The following SLC38A2 variants were observed in gnomAD, a reference collection of about 807,000 sequenced individuals.
SLC38A2 encodes sodium-coupled neutral amino acid symporter 2.
A neutral mutation model predicts 61.5 loss-of-function variants in SLC38A2; 11 were observed. That is an observed-to-expected ratio of 0.18 (90% CI 0.11 to 0.30). The LOEUF is 0.30. Ranked by LOEUF, SLC38A2 falls within the 10% of genes least tolerant of loss-of-function variation. SLC38A2 has a pLI of 1.00. For missense variants in SLC38A2, 522 were observed against 600.4 expected, an observed-to-expected ratio of 0.87 and a Z score of 1.36; for synonymous variants, 217 against 212.5, an observed-to-expected ratio of 1.02 and a Z score of -0.18.
chr12:46,367,478 C>T, intron 4 of SLC38A2, 138 bp from the exon 5 acceptor site: 2 of 640,090 alleles, frequency 3.1e-6, no homozygotes, highest in Non-Finnish European at 5.6e-6. Flanking sequence ...ACTGGCATTT[C>T]CTCTCCTACT....
In SLC38A2 at chr12:46,364,001, A is replaced by T; in HGVS notation, c.876T>A (p.Thr292=). 6.2e-7 allele frequency: 1 copy of T among 1,600,654 alleles called. No individual in the cohort carries two copies. Among genetic ancestry groups the T allele is most frequent in the South Asian group, 1.1e-5 (1 of 87,876 alleles). Residue 292 remains threonine (T), a splice_region_variant and synonymous_variant, in exon 11 of 16, where the codon ACT becomes ACA. Coordinates refer to ENST00000256689, the MANE Select transcript of SLC38A2 (RefSeq NM_018976.5). ...AGATCAGAATTGGCACAGCATAGAC[A>T]GTCTGAAAGAAAACGTAAAAATCTA... ...RPHYFIFNSQ[T]VYAVPILIFS...
chr12:46,371,584 G>C, intron 1 of SLC38A2: 1 of 381,152 alleles, frequency 2.6e-6, no homozygotes, highest in South Asian at 3.2e-5. Flanking sequence ...TGCCACCGCT[G>C]TGTTGCGGCC....
Position 46,370,783 on chromosome 12 carries a change from G to C in SLC38A2, c.191C>G (p.Thr64Arg). 6.2e-7 allele frequency: 1 copy of C among 1,611,904 alleles called. No homozygotes were observed. Among genetic ancestry groups the C allele is most frequent in the Non-Finnish European group, 8.5e-7 (1 of 1,178,516 alleles). ...TTACTATTTTTAACTTACAAATTCT[G>C]TTTCATACTTCTTCTTCCCCAAATT... is the stretch of plus-strand genomic sequence containing the variant. Reference protein sequence around the residue: ...ESNLGKKKYETEFHPGTTSFG... With the variant: ...ESNLGKKKYEREFHPGTTSFG... The change falls in exon 3 of 16, where the codon ACA becomes AGA. Residue 64 changes from threonine (T) to arginine (R), a missense_variant. Thr to Arg is a moderately conservative substitution (Grantham distance 71). This residue lies in a region of SLC38A2 where 102 missense variants were observed against 83.1 expected (regional missense o/e 1.23). Transcript: ENST00000256689.
rs781406539 is a variant in SLC38A2 at position 46,361,213 on chromosome 12, C to T, written c.1423-4G>A. The stretch of plus-strand genomic sequence containing the variant: ...CACTTAACAGGAAGAACAAAGCCTG[C>T]AAAGAGCATAGAGAAAATTGATCAG... On this transcript the variant is annotated splice_polypyrimidine_tract_variant and splice_region_variant and intron_variant, in intron 15 of 15. Coordinates refer to ENST00000256689, the MANE Select transcript of SLC38A2 (RefSeq NM_018976.5). 3.1e-6 allele frequency: 5 copies of T among 1,611,028 alleles called. No individual in the cohort carries two copies. Among genetic ancestry groups the T allele is most frequent in the Non-Finnish European group, 4.2e-6 (5 of 1,178,186 alleles).
intron 15 of SLC38A2, chr12:46,362,048 T>C (rs939150588): frequency 2.5e-6 from 1 of 407,092 alleles, no homozygotes; most frequent in African/African-American, 2.1e-5. Flanking sequence ...TCCCTATTCC[T>C]ATCTCCAAAG....
At chr12:46,368,178 T>C (rs929975132) in intron 4 of SLC38A2, among the ~76,000 whole-genome samples, 2 of 152,118 alleles carry the variant, frequency 1.3e-5, no homozygotes, top group Non-Finnish European at 2.9e-5. Context: ...ATACTAACAT[T>C]TTAAGAGGCA....
At chr12:46,363,402 T>G (rs1943104802) in intron 12 of SLC38A2, among the ~76,000 whole-genome samples, 1 of 152,110 alleles carries the variant, frequency 6.6e-6, no homozygotes, top group African/African-American at 2.4e-5. Flanking sequence ...ATCTCCTGGC[T>G]TGGCTTGCAA....
At chr12:46,371,566 AAAG>A (rs1943201643) in intron 1 of SLC38A2, 187 bp from the exon 2 acceptor site, 1 of 428,386 alleles carries the variant, frequency 2.3e-6, no homozygotes, top group Non-Finnish European at 4.1e-6. Flanking sequence ...CGGGGAGAAC[AAAG>A]ATGATGCCAC....
chr12:46,370,927 TTAACA>T, intron 2 of SLC38A2, 70 bp from the exon 3 acceptor site: 1 of 1,226,522 alleles, frequency 8.2e-7, no homozygotes, highest in Non-Finnish European at 1.2e-6. Flanking sequence ...CAAGACTGCT[TTAACA>T]TAAAATACCC....
At chr12:46,362,838 G>A (rs939155932) in intron 13 of SLC38A2, 183 bp downstream of exon 13, 1 of 962,924 alleles carries the variant, frequency 1.0e-6, no homozygotes, top group Non-Finnish European at 1.5e-6. Context: ...ATCTTATGGT[G>A]AAAAAAATGT....
chr12:46,362,777 C>A, intron 13 of SLC38A2, 139 bp from the exon 14 acceptor site: 1 of 1,043,518 alleles, frequency 9.6e-7, no homozygotes, highest in South Asian at 1.8e-5. Flanking sequence ...TAAAACTGTG[C>A]CTCTTTCTCT....
chr12:46,369,958 A>T (rs1943177548), intron 4 of SLC38A2, among the ~76,000 whole-genome samples: 1 of 152,230 alleles, frequency 6.6e-6, no homozygotes. Flanking sequence ...AAAAGCAAAC[A>T]TTAAAAAAAC....
Position 46,363,048 on chromosome 12 carries a change from G to C in SLC38A2, c.1152C>G (p.Thr384=), listed in dbSNP as rs1404119635. 3 of 1,612,776 alleles carry C rather than the reference G, an allele frequency of 1.9e-6. No homozygotes were observed. The highest frequency in any genetic ancestry group is 2.5e-6 in the Non-Finnish European group (3 of 1,179,216). The change falls in exon 13 of 16, where the codon ACC becomes ACG. Residue 384 remains threonine (T), a synonymous_variant. Coordinates refer to ENST00000256689, the MANE Select transcript of SLC38A2 (RefSeq NM_018976.5). The part of the protein sequence containing the change: ...IVRLAVLMAV[T]LTVPVVIFPI... ...GGAAAATAACTACTGGTACTGTCAG[G>C]GTCACAGCCATTAACACAGCCAGAC...
intron 11 of SLC38A2, 44 bp downstream of exon 11, chr12:46,363,880 T>C (rs546605554): frequency 6.3e-7 from 1 of 1,592,368 alleles, no homozygotes; most frequent in African/African-American, 1.4e-5. Flanking sequence ...GTTACAGCAA[T>C]TGTCTAATAT....
chr12:46,366,552 A>G (rs535948705), intron 7 of SLC38A2, among the ~76,000 whole-genome samples: 1 of 152,322 alleles, frequency 6.6e-6, no homozygotes, highest in African/African-American at 2.4e-5. Flanking sequence ...TCAAAGCTTC[A>G]GTCCTCACTT....
Position 46,363,986 on chromosome 12 carries a change from T to G in SLC38A2, c.891A>C (p.Pro297=). ...IFNSQTVYAV[P]ILIFSFVCHP... Reference sequence around the variant, plus strand: ...GACAGACAAATGAAAAGATCAGAATTGGCACAGCATAGACAGTCTGAAAGA... The same window carrying G: ...GACAGACAAATGAAAAGATCAGAATGGGCACAGCATAGACAGTCTGAAAGA... Residue 297 remains proline (P), a synonymous_variant, in exon 11 of 16, where the codon CCA becomes CCC. Transcript: ENST00000256689. The G allele has an allele frequency of 6.2e-7, 1 of 1,611,728 alleles. No homozygotes were observed. The highest frequency in any genetic ancestry group is 1.3e-5 in the African/African-American group (1 of 74,948).
chr12:46,368,461 AG>A (rs939302292), intron 4 of SLC38A2, among the ~76,000 whole-genome samples: 2 of 152,216 alleles, frequency 1.3e-5, no homozygotes, highest in African/African-American at 4.8e-5. Context: ...CTTTAGGGTA[AG>A]GGTTCTCCCT....
At position 46,361,120 on chromosome 12, in the gene SLC38A2, A is replaced by C. The variant is rs1592201595; in HGVS notation, c.1512T>G (p.Gly504=). Residue 504 remains glycine (G), a synonymous_variant, in exon 16 of 16, where the codon GGT becomes GGG. Transcript: ENST00000256689. ...GTTTGAGTGGTGCCAATTAATGGCC[A>C]CCTCCAGGTGCATTGTGTACCCAAT... ...VLDWVHNAPG[G]GH 1 of 1,613,108 alleles carries C rather than the reference A, an allele frequency of 6.2e-7. No homozygotes were observed. The highest frequency in any genetic ancestry group is 8.5e-7 in the Non-Finnish European group (1 of 1,179,454).
intron 7 of SLC38A2, 76 bp downstream of exon 7, chr12:46,366,788 T>C: frequency 3.8e-6 from 5 of 1,323,286 alleles, no homozygotes; most frequent in Non-Finnish European, 5.3e-6. Context: ...TCATTTTGTA[T>C]ACAACTTTGA....
Sources: allele counts gnomAD v4.1 joint callset (sites outside exome capture counted in the v4.1 genomes callset), GRCh38; gene constraint gnomAD v4.1.1; regional missense constraint gnomAD v4.1.1; transcripts MANE v1.5; gene names NCBI Gene and HGNC (gene_info 2026-07-23, HGNC 2026-07-21).